OSBPL8: variants seen among roughly 807,000 people sequenced by gnomAD.
The protein encoded by OSBPL8 is oxysterol binding protein like 8, also known as oxysterol-binding protein-related protein 8.
OSBPL8 carries 59 observed loss-of-function variants against 125.5 expected under a neutral mutation model. The ratio of observed to expected loss-of-function variants is 0.47; its 90% confidence interval spans 0.38 to 0.58. The LOEUF (loss-of-function observed/expected upper bound fraction) is 0.58, where lower values mean the gene tolerates loss of function less well. Ranked by LOEUF, OSBPL8 falls within the 20% of genes least tolerant of loss-of-function variation. The pLI is 0.00. For synonymous variants in OSBPL8, 330 were observed against 338.9 expected (o/e 0.97, Z 0.29); for missense variants, 758 against 1,047.8 (o/e 0.72, Z 3.82).
In OSBPL8 at chr12:76,444,804, G is replaced by C. The variant is rs572134866; in HGVS notation, c.217+6047C>G. 2.0e-5 allele frequency among the ~76,000 whole-genome samples: 3 copies of C among 152,254 alleles called. No homozygotes were observed. The South Asian group carries it at 6.2e-4, about 32-fold the overall frequency. On this transcript the variant is annotated intron_variant, in intron 4 of 23. Transcript: ENST00000261183. Reference sequence around the variant, plus strand: ...GGAGTGAAATCTATATCTAAGCAAAGCTTCCAGGTGACTCAGATATAGCCA... The same window carrying C: ...GGAGTGAAATCTATATCTAAGCAAACCTTCCAGGTGACTCAGATATAGCCA...
chr12:76,549,376 AC>A (rs757206552), intron 1 of OSBPL8, among the ~76,000 whole-genome samples: 2 of 152,228 alleles, frequency 1.3e-5, no homozygotes, highest in East Asian at 3.8e-4. Flanking sequence ...AGAATAAAGA[AC>A]AAATCACCTT....
chr12:76,401,191 T>C (rs1275779436), intron 6 of OSBPL8, among the ~76,000 whole-genome samples: 1 of 152,158 alleles, frequency 6.6e-6, no homozygotes, highest in Non-Finnish European at 1.5e-5. Flanking sequence ...ATTCCAATCC[T>C]CTGAATTGAT....
At chr12:76,468,386 T>C (rs1177077701) in intron 2 of OSBPL8, among the ~76,000 whole-genome samples, 1 of 152,242 alleles carries the variant, frequency 6.6e-6, no homozygotes, top group East Asian at 1.9e-4. Flanking sequence ...TAAAATTCTG[T>C]CTAGTAAAAC....
intron 16 of OSBPL8, among the ~76,000 whole-genome samples, chr12:76,375,887 A>G (rs1394495990): frequency 6.6e-6 from 1 of 152,200 alleles, no homozygotes; most frequent in Non-Finnish European, 1.5e-5. Flanking sequence ...CAAGAAAGCT[A>G]TACTGTATTT....
At chr12:76,444,912 G>GT (rs1295258147) in intron 4 of OSBPL8, among the ~76,000 whole-genome samples, 1 of 152,104 alleles carries the variant, frequency 6.6e-6, no homozygotes, top group Non-Finnish European at 1.5e-5. Context: ...CATCTCATTA[G>GT]TTTTTTTATA....
chr12:76,430,352 A>G (rs866253562), intron 4 of OSBPL8, among the ~76,000 whole-genome samples: 19 of 152,144 alleles, frequency 1.2e-4, no homozygotes, highest in African/African-American at 4.6e-4. Context: ...CTCCCACTCA[A>G]TCACAATGTC....
intron 16 of OSBPL8, among the ~76,000 whole-genome samples, chr12:76,375,604 A>G (rs1952787914): frequency 6.6e-6 from 1 of 152,096 alleles, no homozygotes; most frequent in African/African-American, 2.4e-5. Flanking sequence ...TACTCAGTAA[A>G]ATATCAATAC....
intron 4 of OSBPL8, among the ~76,000 whole-genome samples, chr12:76,440,947 A>C (rs964313655): frequency 6.6e-6 from 1 of 152,154 alleles, no homozygotes; most frequent in Non-Finnish European, 1.5e-5. Context: ...TCACATTGTA[A>C]ATTTCTAAGA....
intron 1 of OSBPL8, among the ~76,000 whole-genome samples, chr12:76,518,078 A>C (rs933016380): frequency 6.6e-6 from 1 of 152,218 alleles, no homozygotes; most frequent in Non-Finnish European, 1.5e-5. Flanking sequence ...GTCTTAAGTC[A>C]TGCTGGCATC....
At chr12:76,409,184 G>T (rs1429424249) in intron 5 of OSBPL8, among the ~76,000 whole-genome samples, 3 of 152,086 alleles carry the variant, frequency 2.0e-5, no homozygotes, top group Non-Finnish European at 4.4e-5. Flanking sequence ...TTGAAAAGCA[G>T]AAAGGTCACT....
chr12:76,457,334 GAA>G (rs1447149746), intron 3 of OSBPL8, among the ~76,000 whole-genome samples: 1 of 152,136 alleles, frequency 6.6e-6, no homozygotes, highest in African/African-American at 2.4e-5. Flanking sequence ...CGGTGTGTGT[GAA>G]AAGTTTTGAT....
intron 3 of OSBPL8, among the ~76,000 whole-genome samples, chr12:76,452,575 G>A (rs529125755): frequency 2.0e-5 from 3 of 152,250 alleles, no homozygotes; most frequent in South Asian, 4.2e-4. Flanking sequence ...CAAAACCTTA[G>A]ATGTGTTTTT....
chr12:76,365,784 G>A (rs982394467), intron 21 of OSBPL8, among the ~76,000 whole-genome samples: 3 of 152,086 alleles, frequency 2.0e-5, no homozygotes, highest in Non-Finnish European at 4.4e-5. Flanking sequence ...CTAGATTTAT[G>A]AGGTCTTTCT....
chr12:76,391,726 G>A (rs1953567450), intron 10 of OSBPL8, among the ~76,000 whole-genome samples: 1 of 152,016 alleles, frequency 6.6e-6, no homozygotes. Context: ...TTGTGCCACT[G>A]CACTGCAGCC....
intron 8 of OSBPL8, 112 bp downstream of exon 8, chr12:76,397,582 G>A: frequency 9.3e-7 from 1 of 1,080,264 alleles, no homozygotes; most frequent in Non-Finnish European, 1.3e-6. Context: ...ATGGAAAGCA[G>A]AACAGATTTA....
At chr12:76,450,498 T>C (rs1873248632) in intron 4 of OSBPL8, among the ~76,000 whole-genome samples, 1 of 151,960 alleles carries the variant, frequency 6.6e-6, no homozygotes, top group Non-Finnish European at 1.5e-5. Flanking sequence ...TTTTAATTTA[T>C]AATATAATAA....
rs573799058 is a variant in OSBPL8 at position 76,517,564 on chromosome 12, C to T, written c.-67-29946G>A. Among the ~76,000 whole-genome samples, 285 of 152,106 alleles carry T rather than the reference C, an allele frequency of 1.9e-3. 1 individual carries two copies. The highest frequency in any genetic ancestry group is 6.7e-3 in the African/African-American group (277 of 41,492). The stretch of plus-strand genomic sequence containing the variant: ...ACAATGATAAATTTTAAATACTTGG[C>T]TTTAAGAGCCTAAAAAAATCAAAAT... On this transcript the variant is annotated intron_variant, in intron 1 of 23. Coordinates refer to ENST00000261183, the MANE Select transcript of OSBPL8 (RefSeq NM_020841.5).
At chr12:76,457,679 T>C (rs568856187) in intron 3 of OSBPL8, among the ~76,000 whole-genome samples, 10 of 152,296 alleles carry the variant, frequency 6.6e-5, no homozygotes, top group African/African-American at 2.2e-4. Flanking sequence ...GAGTACATGA[T>C]AAAGTCATCT....
At chr12:76,385,668 A>AG (rs1321029517) in intron 14 of OSBPL8, among the ~76,000 whole-genome samples, 1 of 139,398 alleles carries the variant, frequency 7.2e-6, no homozygotes, top group African/African-American at 3.4e-5. Context: ...AGCTAAGAAG[A>AG]AATACTGGAG....
Sources: gnomAD v4.1 joint callset for allele counts (sites outside exome capture counted in the v4.1 genomes callset) on GRCh38, gnomAD v4.1.1 for gene constraint, MANE v1.5 for transcripts, NCBI Gene and HGNC (gene_info 2026-07-23, HGNC 2026-07-21) for gene names.